GNA14: variants seen among roughly 807,000 people sequenced by gnomAD.
The protein encoded by GNA14 is G protein subunit alpha 14.
A neutral mutation model predicts 42.0 loss-of-function variants in GNA14; 50 were observed. The ratio of observed to expected loss-of-function variants is 1.19; its 90% CI spans 0.95 to 1.51. GNA14 has a LOEUF of 1.51. GNA14 is among the 40% of genes most tolerant of loss of function. GNA14 has a pLI of 0.00. For synonymous variants in GNA14, 173 were observed against 163.1 expected, an observed-to-expected ratio of 1.06 and a Z score of -0.46; for missense variants, 473 against 446.2, an observed-to-expected ratio of 1.06 and a Z score of -0.54.
chr9:77,636,266 C>T (rs145899937), intron 1 of GNA14, among the ~76,000 whole-genome samples: 2 of 152,160 alleles, frequency 1.3e-5, no homozygotes, highest in Non-Finnish European at 2.9e-5. Flanking sequence ...GATAATCCAT[C>T]TAATAATAAC....
intron 4 of GNA14, 21 bp downstream of exon 4, chr9:77,431,300 A>C: frequency 6.2e-7 from 1 of 1,610,636 alleles, no homozygotes; most frequent in Non-Finnish European, 8.5e-7. Flanking sequence ...TCTTCATGGT[A>C]CATCAGGGAG....
chr9:77,440,435 C>T (rs536117576), intron 2 of GNA14, among the ~76,000 whole-genome samples: 2 of 152,358 alleles, frequency 1.3e-5, no homozygotes, highest in South Asian at 2.1e-4. Context: ...GACAGCAGGG[C>T]TCCGAGCTCT....
At chr9:77,464,719 AT>A (rs1836190182) in intron 2 of GNA14, among the ~76,000 whole-genome samples, 1 of 152,190 alleles carries the variant, frequency 6.6e-6, no homozygotes, top group Admixed American at 6.5e-5. Context: ...TATGGGTTGA[AT>A]TACATCCCTG....
At chr9:77,563,149 C>T (rs183662362) in intron 1 of GNA14, among the ~76,000 whole-genome samples, 2 of 152,258 alleles carry the variant, frequency 1.3e-5, no homozygotes, top group Admixed American at 6.5e-5. Context: ...CAAATGTAAA[C>T]CCAGGAGCTA....
intron 2 of GNA14, among the ~76,000 whole-genome samples, chr9:77,508,114 T>G (rs984378771): frequency 1.3e-5 from 2 of 152,228 alleles, no homozygotes; most frequent in Admixed American, 1.3e-4. Flanking sequence ...TCTCTCATTC[T>G]CTATCATCCC....
At chr9:77,454,144 A>G (rs1835959676) in intron 2 of GNA14, among the ~76,000 whole-genome samples, 2 of 151,968 alleles carry the variant, frequency 1.3e-5, no homozygotes, top group Non-Finnish European at 2.9e-5. Flanking sequence ...GCGTAGTTCC[A>G]CCCCACACCC....
chr9:77,434,231 G>A (rs1835604541), intron 3 of GNA14, 137 bp downstream of exon 3: 1 of 740,450 alleles, frequency 1.4e-6, no homozygotes, highest in Non-Finnish European at 2.2e-6. Context: ...GAGGTCAGGA[G>A]GGATATGGGA....
intron 2 of GNA14, among the ~76,000 whole-genome samples, chr9:77,446,666 C>G (rs1449780162): frequency 6.6e-6 from 1 of 152,168 alleles, no homozygotes; most frequent in African/African-American, 2.4e-5. Context: ...TGATGGGGAT[C>G]TGGATTTTGA....
At chr9:77,530,724 C>A (rs781737494) in intron 1 of GNA14, among the ~76,000 whole-genome samples, 4 of 152,208 alleles carry the variant, frequency 2.6e-5, no homozygotes, top group Non-Finnish European at 5.9e-5. Flanking sequence ...ACACACTGAA[C>A]CTCAAACCTC....
chr9:77,439,020 A>G (rs775219519), intron 2 of GNA14, among the ~76,000 whole-genome samples: 22 of 152,208 alleles, frequency 1.4e-4, no homozygotes, highest in Non-Finnish European at 2.2e-4. Context: ...AGCCCAATGT[A>G]GGATCACCTG....
At chr9:77,513,412 A>G (rs1477187424) in intron 2 of GNA14, among the ~76,000 whole-genome samples, 1 of 152,246 alleles carries the variant, frequency 6.6e-6, no homozygotes, top group Non-Finnish European at 1.5e-5. Context: ...GGCAAGTGAT[A>G]GTACCTACAT....
At chr9:77,492,131 A>T (rs940005287) in intron 2 of GNA14, among the ~76,000 whole-genome samples, 1 of 152,130 alleles carries the variant, frequency 6.6e-6, no homozygotes, top group Non-Finnish European at 1.5e-5. Context: ...AATACAACAT[A>T]CCAAAATCTA....
chr9:77,459,652 T>C (rs1238052835), intron 2 of GNA14, among the ~76,000 whole-genome samples: 2 of 152,174 alleles, frequency 1.3e-5, no homozygotes, highest in Admixed American at 6.5e-5. Context: ...GCTGGGCCTA[T>C]AATTTCTGCT....
intron 2 of GNA14, among the ~76,000 whole-genome samples, chr9:77,450,529 G>A (rs1369272213): frequency 6.6e-6 from 1 of 151,954 alleles, no homozygotes; most frequent in Non-Finnish European, 1.5e-5. Flanking sequence ...TCAAACTGAC[G>A]GCACTTTCAC....
intron 3 of GNA14, among the ~76,000 whole-genome samples, chr9:77,432,960 C>G (rs1271296990): frequency 2.6e-5 from 4 of 152,240 alleles, no homozygotes; most frequent in African/African-American, 9.6e-5. Context: ...CTATGCTGAT[C>G]TAACACCTCA....
chr9:77,462,938 G>A (rs1166548184), intron 2 of GNA14, among the ~76,000 whole-genome samples: 1 of 152,008 alleles, frequency 6.6e-6, no homozygotes, highest in African/African-American at 2.4e-5. Context: ...GTGGGGCTCC[G>A]TGCCTCTCCA....
intron 2 of GNA14, among the ~76,000 whole-genome samples, chr9:77,479,486 G>A (rs978896262): frequency 6.6e-6 from 1 of 152,178 alleles, no homozygotes; most frequent in Non-Finnish European, 1.5e-5. Context: ...TTTTGGCTTA[G>A]GATTGACTTG....
At chr9:77,621,643 T>C (rs1200876970) in intron 1 of GNA14, among the ~76,000 whole-genome samples, 1 of 152,178 alleles carries the variant, frequency 6.6e-6, no homozygotes, top group Non-Finnish European at 1.5e-5. Flanking sequence ...ACTTCATCAT[T>C]ACCCTAAACC....
chr9:77,436,485 C>A (rs1011867167), intron 2 of GNA14, among the ~76,000 whole-genome samples: 2 of 152,314 alleles, frequency 1.3e-5, no homozygotes, highest in East Asian at 3.9e-4. Flanking sequence ...AGCCTCTAAA[C>A]CCTGACTTCT....
Sources: allele counts gnomAD v4.1 joint callset (sites outside exome capture counted in the v4.1 genomes callset), GRCh38; gene constraint gnomAD v4.1.1; transcripts MANE v1.5; gene names NCBI Gene and HGNC (gene_info 2026-07-23, HGNC 2026-07-21).